Variants in PLXDC2 observed in about 807,000 individuals in gnomAD.
PLXDC2 encodes plexin domain-containing protein 2.
PLXDC2 carries 40 observed loss-of-function variants against 68.9 expected under a neutral mutation model. That is an observed-to-expected ratio of 0.58 (90% CI 0.45 to 0.76). The LOEUF (loss-of-function observed/expected upper bound fraction) is 0.76. Among genes scored for constraint, PLXDC2 ranks in the 30% least tolerant of loss-of-function variants. The pLI is 0.00. For synonymous variants in PLXDC2, 243 were observed against 234.2 expected, an observed-to-expected ratio of 1.04 and a Z score of -0.34; for missense variants, 644 against 661.9, an observed-to-expected ratio of 0.97 and a Z score of 0.30.
chr10:19,907,128 T>A lies in PLXDC2; in HGVS notation c.112+89937T>A, dbSNP rs543684240. ...ATTTTTTTCCATGGAAATGTGTTCA[T>A]TAAATTTCCCTTTGATTTTCAGGAA... On this transcript the variant is annotated intron_variant, in intron 1 of 13. Coordinates refer to ENST00000377252, the MANE Select transcript of PLXDC2 (RefSeq NM_032812.9). Among the ~76,000 whole-genome samples the A allele has an allele frequency of 7.9e-4, 120 of 152,326 alleles. 1 individual carries two copies. Among genetic ancestry groups the A allele is most frequent in the African/African-American group, 2.8e-3 (117 of 41,576 alleles).
At chr10:19,900,981 A>G (rs1477092488) in intron 1 of PLXDC2, among the ~76,000 whole-genome samples, 1 of 144,482 alleles carries the variant, frequency 6.9e-6, no homozygotes, top group Non-Finnish European at 1.5e-5. Flanking sequence ...TATATGTGTG[A>G]TGTGTGTGTG....
In PLXDC2 at chr10:20,287,982, G is replaced by GA. The variant is rs1240224599; in HGVS notation, c.*8163_*8164insA. The GA allele has an allele frequency of 9.5e-6, 1 of 104,732 alleles. No individual in the cohort carries two copies. Among genetic ancestry groups the GA allele is most frequent in the South Asian group, 5.1e-4 (1 of 1,956 alleles). The allele number at this position is 104,732 out of a possible 1,614,324, so 6.5% of individuals were successfully genotyped here. ...AGAAATTGGGCACTTCTTGCGGCGG[G>GA]GGAGGGGGGGGGGGCGGTGGCTTTC... On this transcript the variant is annotated 3_prime_UTR_variant, in exon 14 of 14. Transcript: ENST00000377252.
chr10:19,962,723 T>C (rs1032393853), intron 1 of PLXDC2, among the ~76,000 whole-genome samples: 5 of 146,284 alleles, frequency 3.4e-5, no homozygotes, highest in African/African-American at 1.2e-4. Context: ...CAGTGGCTCA[T>C]GCCTGTAATC....
At chr10:20,278,196 C>G (rs1588558242) in intron 13 of PLXDC2, among the ~76,000 whole-genome samples, 1 of 152,236 alleles carries the variant, frequency 6.6e-6, no homozygotes, top group East Asian at 1.9e-4. Flanking sequence ...GTTGTTCTTG[C>G]TACCAACTAG....
chr10:19,860,157 T>C (rs1837292208), intron 1 of PLXDC2, among the ~76,000 whole-genome samples: 1 of 152,228 alleles, frequency 6.6e-6, no homozygotes, highest in Non-Finnish European at 1.5e-5. Flanking sequence ...CTTCTCTCTT[T>C]TTTCCCCAAG....
At chr10:20,022,101 C>T (rs970303169) in intron 2 of PLXDC2, among the ~76,000 whole-genome samples, 11 of 152,210 alleles carry the variant, frequency 7.2e-5, no homozygotes, top group Admixed American at 5.2e-4. Context: ...GCAATGATAC[C>T]TCATTTACTC....
chr10:20,207,656 G>A (rs1475784543), intron 9 of PLXDC2, among the ~76,000 whole-genome samples: 1 of 152,134 alleles, frequency 6.6e-6, no homozygotes, highest in Non-Finnish European at 1.5e-5. Flanking sequence ...GGAAAATATA[G>A]GAGGGAGCAC....
intron 1 of PLXDC2, among the ~76,000 whole-genome samples, chr10:19,999,391 T>C (rs200065525): frequency 1.5e-4 from 4 of 25,820 alleles, no homozygotes; most frequent in African/African-American, 2.7e-4. Context: ...TAGGTGTTTG[T>C]TTTTTTTTTT....
At chr10:19,831,187 G>A (rs572924451) in intron 1 of PLXDC2, among the ~76,000 whole-genome samples, 9 of 152,252 alleles carry the variant, frequency 5.9e-5, no homozygotes, top group Middle Eastern at 3.4e-3. Flanking sequence ...TAAGTCATAA[G>A]CTGTGACTGT....
chr10:20,127,730 C>T (rs1833811968), intron 4 of PLXDC2, among the ~76,000 whole-genome samples: 1 of 152,122 alleles, frequency 6.6e-6, no homozygotes. Flanking sequence ...TGGAACATGT[C>T]TGTAGTCCCA....
At chr10:20,119,373 C>T (rs1833664716) in intron 4 of PLXDC2, among the ~76,000 whole-genome samples, 2 of 151,386 alleles carry the variant, frequency 1.3e-5, no homozygotes, top group Admixed American at 1.3e-4. Flanking sequence ...GGGGGTTGTT[C>T]TCTGGCGGGC....
intron 13 of PLXDC2, 143 bp downstream of exon 13, chr10:20,245,648 C>G: frequency 1.1e-6 from 1 of 893,604 alleles, no homozygotes; most frequent in Non-Finnish European, 1.7e-6. Flanking sequence ...TGGATGTTGT[C>G]CCCCATGCAC....
chr10:20,039,222 G>A (rs1835634327), intron 2 of PLXDC2, among the ~76,000 whole-genome samples: 1 of 152,038 alleles, frequency 6.6e-6, no homozygotes. Flanking sequence ...CGATATAAAT[G>A]AGAGAAAAAA....
At chr10:20,129,591 T>G (rs922862994) in intron 4 of PLXDC2, among the ~76,000 whole-genome samples, 2 of 112,624 alleles carry the variant, frequency 1.8e-5, no homozygotes, top group Non-Finnish European at 4.5e-5. Flanking sequence ...GTAGCCCAGA[T>G]CAATGTCAGG....
chr10:20,217,318 T>G (rs908215112), intron 10 of PLXDC2, 108 bp from the exon 11 acceptor site: 38 of 942,980 alleles, frequency 4.0e-5, no homozygotes, highest in African/African-American at 5.0e-5. Flanking sequence ...TTATTCCTTG[T>G]CTTGATATGA....
At chr10:20,019,048 G>A (rs1835259145) in intron 2 of PLXDC2, among the ~76,000 whole-genome samples, 1 of 152,230 alleles carries the variant, frequency 6.6e-6, no homozygotes, top group Non-Finnish European at 1.5e-5. Flanking sequence ...GGGAGGCCAA[G>A]GCGAGAGGAT....
Position 19,978,970 on chromosome 10 carries a change from T to G in PLXDC2, c.113-22805T>G, listed in dbSNP as rs1278783972. ...TGACTATTATTACCTACAAGTATTT[T>G]CTTATATGTATGCATGTATATATAA... On this transcript the variant is annotated intron_variant, in intron 1 of 13. Coordinates refer to ENST00000377252, the MANE Select transcript of PLXDC2 (RefSeq NM_032812.9). Among the ~76,000 whole-genome samples, 7 of 152,224 alleles carry G rather than the reference T, an allele frequency of 4.6e-5. No homozygotes were observed. The East Asian group carries it at 1.3e-3, about 29-fold the overall frequency.
At chr10:19,933,490 T>C (rs891222842) in intron 1 of PLXDC2, among the ~76,000 whole-genome samples, 5 of 151,880 alleles carry the variant, frequency 3.3e-5, no homozygotes, top group African/African-American at 1.2e-4. Flanking sequence ...AAAAATTAGC[T>C]GGGCATGATG....
Position 20,287,979 on chromosome 10 carries a change from C to CGGGGGGGGG in PLXDC2, c.*8165_*8166insGGGGGGGGG, listed in dbSNP as rs748974758. 1.7e-3 allele frequency: 21 copies of CGGGGGGGGG among 12,372 alleles called. No individual in the cohort carries two copies. The highest frequency in any genetic ancestry group is 2.4e-3 in the Non-Finnish European group (13 of 5,336). 0.8% of individuals were successfully genotyped at this position (12,372 alleles called of 1,614,324 possible). On this transcript the variant is annotated 3_prime_UTR_variant, in exon 14 of 14. Transcript: ENST00000377252. ...AGAAGAAATTGGGCACTTCTTGCGG[C>CGGGGGGGGG]GGGGGAGGGGGGGGGGGCGGTGGCT...
Sources: gnomAD v4.1 joint callset for allele counts (sites outside exome capture counted in the v4.1 genomes callset) on GRCh38, gnomAD v4.1.1 for gene constraint, MANE v1.5 for transcripts, NCBI Gene and HGNC (gene_info 2026-07-23, HGNC 2026-07-21) for gene names.